Variants in MCF2L2 observed in about 807,000 individuals in gnomAD.
MCF2L2 encodes probable guanine nucleotide exchange factor MCF2L2.
In MCF2L2, 102 loss-of-function variants were observed where a neutral mutation model predicts 150.2. That is an observed-to-expected ratio of 0.68 (90% CI 0.58 to 0.80). The LOEUF is 0.80. Ranked by LOEUF, MCF2L2 falls within the 30% of genes least tolerant of loss-of-function variation. The probability of loss-of-function intolerance (pLI) is 0.00; values close to 1 mark genes in which losing one functional copy is unlikely to be tolerated. For synonymous variants in MCF2L2, 465 were observed against 491.3 expected, an observed-to-expected ratio of 0.95 and a Z score of 0.71; for missense variants, 1,256 against 1,372.8, an observed-to-expected ratio of 0.91 and a Z score of 1.34.
intron 5 of MCF2L2, among the ~76,000 whole-genome samples, chr3:183,335,586 A>G (rs4859164): frequency 0.26 from 39,430 of 151,864 alleles, 7,367 homozygotes; most frequent in African/African-American, 0.53. Context: ...GCTTGAGGGT[A>G]GCTGAGCATA....
intron 10 of MCF2L2, among the ~76,000 whole-genome samples, chr3:183,309,255 T>C (rs1043010825): frequency 7.2e-6 from 1 of 139,764 alleles, no homozygotes; most frequent in African/African-American, 2.9e-5. Flanking sequence ...GCTCCAGGTA[T>C]AAAACTAGTT....
intron 1 of MCF2L2, among the ~76,000 whole-genome samples, chr3:183,418,214 A>G (rs1201504494): frequency 2.6e-5 from 4 of 152,048 alleles, no homozygotes; most frequent in African/African-American, 9.7e-5. Flanking sequence ...AAATAAACCC[A>G]TCAGATCTTG....
intron 7 of MCF2L2, among the ~76,000 whole-genome samples, chr3:183,314,377 A>C (rs1449423354): frequency 6.6e-6 from 1 of 152,152 alleles, no homozygotes; most frequent in Non-Finnish European, 1.5e-5. Context: ...TTCTGTGTGA[A>C]CATACTGGTT....
chr3:183,363,429 T>C (rs75365778), intron 3 of MCF2L2, among the ~76,000 whole-genome samples: 1 of 152,250 alleles, frequency 6.6e-6, no homozygotes, highest in African/African-American at 2.4e-5. Flanking sequence ...TGCAGACGAA[T>C]GGAAAAACAA....
chr3:183,228,657 A>G (rs2108669208), intron 17 of MCF2L2, among the ~76,000 whole-genome samples: 1 of 152,292 alleles, frequency 6.6e-6, no homozygotes, highest in East Asian at 1.9e-4. Flanking sequence ...AGAGAGGAGA[A>G]ATGAGAACTA....
At chr3:183,417,115 CAAAAAAAAAAAAAAA>C (rs74989072) in intron 1 of MCF2L2, among the ~76,000 whole-genome samples, 7 of 44,212 alleles carry the variant, frequency 1.6e-4, no homozygotes, top group East Asian at 7.1e-4. Context: ...GACTCTGTCT[CAAAAAAAAAAAAAAA>C]AAAAAAAAAA....
intron 3 of MCF2L2, among the ~76,000 whole-genome samples, chr3:183,363,425 CG>C (rs1712332558): frequency 6.6e-6 from 1 of 152,026 alleles, no homozygotes. Context: ...ATGATGCAGA[CG>C]AATGGAAAAA....
intron 15 of MCF2L2, chr3:183,266,192 G>A (rs764013220): frequency 6.6e-6 from 1 of 152,200 alleles, no homozygotes; most frequent in Non-Finnish European, 1.5e-5. Flanking sequence ...ATGCACAATG[G>A]GTGTGGGAGC....
At position 183,227,148 on chromosome 3, in the gene MCF2L2, A is replaced by G. The variant is rs1723372654; in HGVS notation, c.2115+1149T>C. ...AAAAATAAAAATAAGAAAGAGAATGAGAAGGACTAGTTGAGAAAGAGAGGA... is the reference window on the plus strand; with the variant it reads ...AAAAATAAAAATAAGAAAGAGAATGGGAAGGACTAGTTGAGAAAGAGAGGA... On this transcript the variant is annotated intron_variant, in intron 18 of 29. Transcript: ENST00000328913. This position sits in a 1 kb window ranked among gnomAD's most constrained non-coding sequence, Gnocchi z 4.0. The G allele has an allele frequency of 6.6e-6, 1 of 152,216 alleles. No homozygotes were observed. Among genetic ancestry groups the G allele is most frequent in the Non-Finnish European group, 1.5e-5 (1 of 68,050 alleles). The allele number at this position is 152,216 out of a possible 1,614,324, so 9.4% of individuals were successfully genotyped here.
chr3:183,314,901 TCTTTTC>T (rs1729534140), intron 7 of MCF2L2, among the ~76,000 whole-genome samples: 3 of 44,434 alleles, frequency 6.8e-5, no homozygotes, highest in Non-Finnish European at 1.1e-4. Flanking sequence ...TCTCTTTTTT[TCTTTTC>T]TTTTTTTTTT....
At chr3:183,262,998 G>A (rs760730451) in intron 15 of MCF2L2, among the ~76,000 whole-genome samples, 1 of 152,048 alleles carries the variant, frequency 6.6e-6, no homozygotes, top group Non-Finnish European at 1.5e-5. Context: ...AAACGGGGGA[G>A]GTGTGTGAGG....
intron 2 of MCF2L2, among the ~76,000 whole-genome samples, chr3:183,384,353 T>C (rs1713704771): frequency 6.6e-6 from 1 of 152,230 alleles, no homozygotes; most frequent in Non-Finnish European, 1.5e-5. Context: ...ATTGCCTTTG[T>C]AGGACTAATA....
intron 9 of MCF2L2, 127 bp from the exon 10 acceptor site, chr3:183,309,962 G>T: frequency 1.8e-6 from 2 of 1,103,338 alleles, no homozygotes; most frequent in Non-Finnish European, 2.5e-6. Context: ...ATCTATATAT[G>T]TTAAAAATTT....
intron 7 of MCF2L2, among the ~76,000 whole-genome samples, chr3:183,317,568 T>A (rs1238772778): frequency 6.6e-6 from 1 of 152,034 alleles, no homozygotes; most frequent in African/African-American, 2.4e-5. Context: ...CATCCCCAAA[T>A]AAAAAGATGC....
At position 183,280,856 on chromosome 3, in the gene MCF2L2, A is replaced by C. The variant is rs556723373; in HGVS notation, c.1777-3899T>G. Among the ~76,000 whole-genome samples, 40 of 151,412 alleles carry C rather than the reference A, an allele frequency of 2.6e-4. No individual in the cohort carries two copies. The East Asian group carries it at 5.6e-3, about 21-fold the overall frequency. ...GAGTGAGTCTCTGTCAAAAAAAAAA[A>C]AAAAAACAAACAAGCAAACAAACAA... On this transcript the variant is annotated intron_variant, in intron 14 of 29. Transcript: ENST00000328913.
intron 11 of MCF2L2, 134 bp from the exon 12 acceptor site, chr3:183,297,301 C>T (rs1577038676): frequency 3.9e-6 from 3 of 777,202 alleles, no homozygotes; most frequent in Middle Eastern, 3.8e-4. Flanking sequence ...GGGACGGCAT[C>T]GAGTTTAAGG....
chr3:183,224,470 T>G (rs1485478438), intron 18 of MCF2L2: 1 of 294,210 alleles, frequency 3.4e-6, no homozygotes, highest in African/African-American at 2.1e-5. Flanking sequence ...CAAACAGGAA[T>G]TGGTTTTTAT....
At chr3:183,195,395 AT>A in intron 25 of MCF2L2, 140 bp from the exon 26 acceptor site, 1 of 589,154 alleles carries the variant, frequency 1.7e-6, no homozygotes, top group Non-Finnish European at 2.9e-6. Flanking sequence ...TCTTGATCAT[AT>A]TTTCCCAGGA....
At chr3:183,194,234 A>G (rs1175573646) in intron 26 of MCF2L2, among the ~76,000 whole-genome samples, 4 of 152,192 alleles carry the variant, frequency 2.6e-5, no homozygotes, top group African/African-American at 9.7e-5. Flanking sequence ...AGAAAAACTA[A>G]GCAGACTACT....
Sources: gnomAD v4.1 joint callset for allele counts (sites outside exome capture counted in the v4.1 genomes callset) on GRCh38, gnomAD v4.1.1 for gene constraint, Gnocchi (gnomAD v3.1) non-coding constraint, MANE v1.5 for transcripts, NCBI Gene and HGNC (gene_info 2026-07-23, HGNC 2026-07-21) for gene names.